Variants in JARID2 observed in about 807,000 individuals in gnomAD.
JARID2 encodes protein Jumonji.
In JARID2, 21 loss-of-function variants were observed where a neutral mutation model predicts 125.6. The observed-to-expected ratio is 0.17, with a 90% CI of 0.12 to 0.24. The LOEUF (loss-of-function observed/expected upper bound fraction) is 0.24, where lower values mean the gene tolerates loss of function less well. JARID2 is among the 10% of genes least tolerant of loss of function. The pLI is 1.00. For synonymous variants in JARID2, 736 were observed against 661.6 expected (o/e 1.11, Z -1.73); for missense variants, 1,303 against 1,639.6 (o/e 0.79, Z 3.55).
At chr6:15,489,712 C>T (rs1159034026) in intron 6 of JARID2, among the ~76,000 whole-genome samples, 2 of 152,226 alleles carry the variant, frequency 1.3e-5, no homozygotes, top group African/African-American at 4.8e-5. Flanking sequence ...TCCTGGGGTG[C>T]CCCTCACACA....
chr6:15,516,897 C>T (rs553598483), intron 16 of JARID2, among the ~76,000 whole-genome samples: 5 of 152,328 alleles, frequency 3.3e-5, no homozygotes, highest in African/African-American at 1.2e-4. Flanking sequence ...GACTTGAGGG[C>T]CACTCCCAGG....
intron 5 of JARID2, among the ~76,000 whole-genome samples, chr6:15,483,103 C>T (rs1194044277): frequency 2.6e-5 from 4 of 152,154 alleles, no homozygotes; most frequent in Admixed American, 2.0e-4. Context: ...TGAAAAAAAT[C>T]TAGTAACTAA....
At chr6:15,278,186 T>C (rs2127368883) in intron 1 of JARID2, among the ~76,000 whole-genome samples, 1 of 144,636 alleles carries the variant, frequency 6.9e-6, no homozygotes, top group East Asian at 2.2e-4. Context: ...GAGCTGAGAT[T>C]GTGCCACTGC....
chr6:15,519,535 A>G (rs1771729682), intron 17 of JARID2, among the ~76,000 whole-genome samples: 1 of 152,178 alleles, frequency 6.6e-6, no homozygotes, highest in South Asian at 2.1e-4. Flanking sequence ...TGTTGTTTTT[A>G]AAAATGATAT....
chr6:15,509,666 G>A (rs1212406349), intron 12 of JARID2, among the ~76,000 whole-genome samples: 3 of 152,268 alleles, frequency 2.0e-5, no homozygotes, highest in African/African-American at 2.4e-5. Flanking sequence ...GAAGAAGAGC[G>A]TGGCCATTTC....
At chr6:15,309,270 C>T (rs1475154632) in intron 1 of JARID2, among the ~76,000 whole-genome samples, 1 of 152,042 alleles carries the variant, frequency 6.6e-6, no homozygotes, top group Non-Finnish European at 1.5e-5. Context: ...ATGAAGGTTT[C>T]AGGTGCCTCA....
intron 5 of JARID2, among the ~76,000 whole-genome samples, chr6:15,485,958 C>G (rs187311162): frequency 6.6e-6 from 1 of 152,342 alleles, no homozygotes; most frequent in East Asian, 1.9e-4. Flanking sequence ...ATAATTTTCA[C>G]TTTCATCTGC....
intron 9 of JARID2, among the ~76,000 whole-genome samples, chr6:15,505,956 G>A (rs1770985993): frequency 6.6e-6 from 1 of 152,390 alleles, no homozygotes; most frequent in Middle Eastern, 3.4e-3. Context: ...CACGTGTCCT[G>A]TGGGCATCTC....
intron 1 of JARID2, among the ~76,000 whole-genome samples, chr6:15,279,169 A>C (rs1760658368): frequency 7.0e-6 from 1 of 142,894 alleles, no homozygotes; most frequent in African/African-American, 3.0e-5. Context: ...TATGGACAAT[A>C]AATTGCCTTT....
At chr6:15,470,536 TTAA>T (rs1458674810) in intron 5 of JARID2, among the ~76,000 whole-genome samples, 3 of 152,260 alleles carry the variant, frequency 2.0e-5, no homozygotes, top group Admixed American at 6.5e-5. Flanking sequence ...CTCTGTCCAC[TTAA>T]TAATTGTTCA....
intron 3 of JARID2, among the ~76,000 whole-genome samples, chr6:15,451,677 C>T (rs1015782009): frequency 2.0e-5 from 3 of 152,138 alleles, no homozygotes; most frequent in South Asian, 4.1e-4. Context: ...CACCATTAAG[C>T]TGATGATGTC....
chr6:15,458,175 C>G (rs751163422), intron 4 of JARID2, among the ~76,000 whole-genome samples: 2 of 152,214 alleles, frequency 1.3e-5, no homozygotes, highest in Non-Finnish European at 2.9e-5. Flanking sequence ...TTAATGAGTT[C>G]TGTCGTCTCC....
At chr6:15,402,026 A>G (rs1413768457) in intron 2 of JARID2, among the ~76,000 whole-genome samples, 2 of 151,828 alleles carry the variant, frequency 1.3e-5, no homozygotes, top group Non-Finnish European at 2.9e-5. Flanking sequence ...CAGGGGAACT[A>G]CTGTCCCTCC....
At position 15,260,687 on chromosome 6, in the gene JARID2, C is replaced by G. The variant is rs575118957; in HGVS notation, c.45+14103C>G. 1.4e-4 allele frequency among the ~76,000 whole-genome samples: 21 copies of G among 152,336 alleles called. No individual in the cohort carries two copies. In the East Asian group the frequency reaches 4.0e-3, roughly 29 times the overall value. ...GAGATAAGGAGTGCAATACTGCACG[C>G]TCTTCTGTACTTGTGATAAATCAAA... is the stretch of plus-strand genomic sequence containing the variant. On this transcript the variant is annotated intron_variant, in intron 1 of 17. Transcript: ENST00000341776.
At chr6:15,275,479 T>C (rs2127362259) in intron 1 of JARID2, among the ~76,000 whole-genome samples, 1 of 148,674 alleles carries the variant, frequency 6.7e-6, no homozygotes, top group African/African-American at 2.5e-5. Flanking sequence ...TGCTTTGAAT[T>C]AGCTGGACTT....
chr6:15,440,616 A>G (rs1244583551), intron 3 of JARID2, among the ~76,000 whole-genome samples: 1 of 152,200 alleles, frequency 6.6e-6, no homozygotes, highest in Non-Finnish European at 1.5e-5. Context: ...TTCCATTGGC[A>G]CAGTTTCTTT....
In JARID2 at chr6:15,246,508, T is replaced by C. The variant is rs756918679; in HGVS notation, c.-32T>C. 4 of 1,598,678 alleles carry C rather than the reference T, an allele frequency of 2.5e-6. No individual in the cohort carries two copies. In the South Asian group the frequency reaches 3.3e-5, roughly 13 times the overall value. On this transcript the variant is annotated 5_prime_UTR_variant, in exon 1 of 18. Coordinates refer to ENST00000341776, the MANE Select transcript of JARID2 (RefSeq NM_004973.4). ...CGGCTTTAAATTCATGAAGCAATTG[T>C]CCCCTTTTGCAATCAGCATTTGGAT... is the stretch of plus-strand genomic sequence containing the variant.
chr6:15,403,690 A>T (rs1437564567), intron 2 of JARID2, among the ~76,000 whole-genome samples: 2 of 152,178 alleles, frequency 1.3e-5, no homozygotes, highest in Non-Finnish European at 2.9e-5. Flanking sequence ...GCTTTCTCAA[A>T]AAATTGTGCA....
chr6:15,501,836 A>G (rs1267085265), intron 8 of JARID2, among the ~76,000 whole-genome samples: 2 of 152,110 alleles, frequency 1.3e-5, no homozygotes, highest in African/African-American at 2.4e-5. Context: ...ACATCTCCAT[A>G]TGCCAGGGAT....
Sources: gnomAD v4.1 joint callset for allele counts (sites outside exome capture counted in the v4.1 genomes callset) on GRCh38, gnomAD v4.1.1 for gene constraint, MANE v1.5 for transcripts, NCBI Gene and HGNC (gene_info 2026-07-23, HGNC 2026-07-21) for gene names.